LINGO2: variants seen among roughly 807,000 people sequenced by gnomAD.
LINGO2 encodes the protein leucine rich repeat and Ig domain containing 2.
LINGO2 carries 14 observed loss-of-function variants against 30.6 expected under a neutral mutation model. That is an observed-to-expected ratio of 0.46 (90% confidence interval 0.30 to 0.72). The LOEUF (loss-of-function observed/expected upper bound fraction) is 0.72. Ranked by LOEUF, LINGO2 falls within the 30% of genes least tolerant of loss-of-function variation. LINGO2 has a pLI of 0.07. For synonymous variants in LINGO2, 317 were observed against 288.5 expected, an observed-to-expected ratio of 1.10 and a Z score of -1.00; for missense variants, 729 against 751.7, an observed-to-expected ratio of 0.97 and a Z score of 0.35.
At chr9:28,121,203 G>A (rs965870617) in intron 4 of LINGO2, among the ~76,000 whole-genome samples, 2 of 152,042 alleles carry the variant, frequency 1.3e-5, no homozygotes, top group Non-Finnish European at 2.9e-5. Context: ...ATGCTAGAGA[G>A]CAATTGTATA....
At chr9:28,933,568 T>A in the LINGO2 span, among the ~76,000 whole-genome samples, 7 of 152,032 alleles carry the variant, frequency 4.6e-5, no homozygotes, top group Non-Finnish European at 1.0e-4. Flanking sequence ...AGCTCCACCA[T>A]CAGGCACCAA....
At chr9:29,053,526 C>T in the LINGO2 span, among the ~76,000 whole-genome samples, 5 of 151,968 alleles carry the variant, frequency 3.3e-5, no homozygotes, top group South Asian at 2.1e-4. Context: ...CAAACCTGCA[C>T]GTTGTGCACA....
chr9:28,346,045 A>C (rs945044948), intron 3 of LINGO2, among the ~76,000 whole-genome samples: 14 of 152,224 alleles, frequency 9.2e-5, no homozygotes, highest in Admixed American at 9.2e-4. Flanking sequence ...GATTTATCAG[A>C]AACAAAGACC....
the LINGO2 span, among the ~76,000 whole-genome samples, chr9:28,994,649 T>G: frequency 6.6e-6 from 1 of 151,638 alleles, no homozygotes. Context: ...CAAAACAGCA[T>G]GGTACTGGTA....
the LINGO2 span, among the ~76,000 whole-genome samples, chr9:29,125,432 A>AAT: frequency 0.18 from 27,062 of 151,584 alleles, 2,507 homozygotes; most frequent in East Asian, 0.37. Flanking sequence ...AAAATTTAAA[A>AAT]ATATATATAT....
the LINGO2 span, among the ~76,000 whole-genome samples, chr9:28,972,395 A>C: frequency 6.6e-6 from 1 of 152,324 alleles, no homozygotes; most frequent in Middle Eastern, 3.4e-3. Flanking sequence ...GAAACTCAAA[A>C]AAATTCAGGA....
intron 3 of LINGO2, among the ~76,000 whole-genome samples, chr9:28,343,907 C>G (rs962824568): frequency 1.3e-5 from 2 of 151,992 alleles, no homozygotes; most frequent in African/African-American, 4.8e-5. Flanking sequence ...TAAAATGTCT[C>G]CATTAGGTGG....
chr9:28,964,108 G>A, the LINGO2 span, among the ~76,000 whole-genome samples: 27 of 150,244 alleles, frequency 1.8e-4, no homozygotes, highest in African/African-American at 6.2e-4. Flanking sequence ...ACACACACAC[G>A]CATATATATA....
intron 4 of LINGO2, among the ~76,000 whole-genome samples, chr9:28,282,877 A>T (rs1823377978): frequency 6.6e-6 from 1 of 152,166 alleles, no homozygotes; most frequent in Admixed American, 6.5e-5. Flanking sequence ...AATATATATC[A>T]TTTCCAATAT....
chr9:29,177,226 A>G, the LINGO2 span, among the ~76,000 whole-genome samples: 2 of 152,230 alleles, frequency 1.3e-5, no homozygotes, highest in Non-Finnish European at 2.9e-5. Context: ...CACAGCTATG[A>G]CTAATTTTAT....
the LINGO2 span, among the ~76,000 whole-genome samples, chr9:28,784,416 G>T: frequency 2.6e-5 from 4 of 152,300 alleles, no homozygotes; most frequent in Non-Finnish European, 4.4e-5. Context: ...CAGTTCAGCT[G>T]CTTACTAGCT....
intron 1 of LINGO2, among the ~76,000 whole-genome samples, chr9:28,656,342 C>T (rs1166702656): frequency 1.3e-5 from 2 of 151,648 alleles, no homozygotes; most frequent in African/African-American, 4.8e-5. Flanking sequence ...ATATTAATTA[C>T]AAAGAAAAAG....
At chr9:28,601,718 C>T (rs920885602) in intron 1 of LINGO2, among the ~76,000 whole-genome samples, 5 of 152,184 alleles carry the variant, frequency 3.3e-5, no homozygotes, top group South Asian at 4.1e-4. Flanking sequence ...AAAGATAAAA[C>T]TCCTGCTGAG....
chr9:28,729,047 G>A, the LINGO2 span, among the ~76,000 whole-genome samples: 22 of 152,220 alleles, frequency 1.4e-4, no homozygotes, highest in African/African-American at 5.1e-4. Context: ...GGGACTGGCA[G>A]GAATAGTGTG....
chr9:28,391,986 C>T (rs905033384), intron 2 of LINGO2, among the ~76,000 whole-genome samples: 1 of 152,152 alleles, frequency 6.6e-6, no homozygotes, highest in African/African-American at 2.4e-5. Flanking sequence ...AGGCGGATCA[C>T]AGTCTCAAGA....
At chr9:28,919,367 G>A in the LINGO2 span, among the ~76,000 whole-genome samples, 2 of 152,214 alleles carry the variant, frequency 1.3e-5, no homozygotes, top group East Asian at 3.9e-4. Flanking sequence ...AAACCTACAT[G>A]CCAGTCCCAG....
chr9:27,974,156 G>T (rs944382743), intron 5 of LINGO2, among the ~76,000 whole-genome samples: 3 of 152,092 alleles, frequency 2.0e-5, no homozygotes, highest in African/African-American at 7.2e-5. Flanking sequence ...ACGCAGTTGG[G>T]AACTGTGACA....
At chr9:28,964,430 T>G in the LINGO2 span, among the ~76,000 whole-genome samples, 11 of 151,706 alleles carry the variant, frequency 7.3e-5, no homozygotes, top group Admixed American at 6.6e-4. Flanking sequence ...AGCTAAAATA[T>G]TGAGGCAAGA....
At chr9:28,939,993 T>C in the LINGO2 span, among the ~76,000 whole-genome samples, 1 of 152,216 alleles carries the variant, frequency 6.6e-6, no homozygotes, top group Non-Finnish European at 1.5e-5. Context: ...CTAATTAGCA[T>C]TTTCATTCTG....
Sources: allele counts gnomAD v4.1 joint callset (sites outside exome capture counted in the v4.1 genomes callset), GRCh38; gene constraint gnomAD v4.1.1; transcripts MANE v1.5; gene names NCBI Gene and HGNC (gene_info 2026-07-23, HGNC 2026-07-21).